Variants in PCNX2 observed in about 807,000 individuals in gnomAD.
PCNX2 encodes pecanex 2.
A neutral mutation model predicts 223.8 loss-of-function variants in PCNX2; 168 were observed. The ratio of observed to expected loss-of-function variants is 0.75; its 90% CI spans 0.66 to 0.85. The LOEUF (loss-of-function observed/expected upper bound fraction) is 0.85. Among genes scored for constraint, PCNX2 ranks in the 40% least tolerant of loss-of-function variants. The probability of loss-of-function intolerance (pLI) is 0.00; values close to 1 mark genes in which losing one functional copy is unlikely to be tolerated. For synonymous variants in PCNX2, 1,006 were observed against 1,052.6 expected, an observed-to-expected ratio of 0.96 and a Z score of 0.86; for missense variants, 2,507 against 2,675.5, an observed-to-expected ratio of 0.94 and a Z score of 1.39.
chr1:233,158,436 A>C (rs538850724), intron 19 of PCNX2, among the ~76,000 whole-genome samples: 14 of 152,338 alleles, frequency 9.2e-5, no homozygotes, highest in African/African-American at 3.1e-4. Flanking sequence ...AGGTATAGTC[A>C]TTGGTACAGG....
Position 233,160,307 on chromosome 1 carries a change from CTT to C in PCNX2, c.3491_3492del (p.Lys1164ArgfsTer27), listed in dbSNP as rs778614935. 2 of 1,609,812 alleles carry C rather than the reference CTT, an allele frequency of 1.2e-6. No homozygotes were observed. Among genetic ancestry groups the C allele is most frequent in the East Asian group, 2.2e-5 (1 of 44,742 alleles). ...CCTCTCACTTCCCGTTGATGATACT[CTT>C]TGTTTTTGAGAATGGGGTGTGAAAT... ...MWISHPILKN[K>X]EYHQREVRDV... On this transcript the variant is annotated frameshift_variant, in exon 19 of 34. Coordinates refer to ENST00000258229, the MANE Select transcript of PCNX2 (RefSeq NM_014801.4). LOFTEE classifies it high-confidence loss of function.
At chr1:233,322,558 G>A in the PCNX2 span, among the ~76,000 whole-genome samples, 1 of 152,068 alleles carries the variant, frequency 6.6e-6, no homozygotes, top group Admixed American at 6.6e-5. Context: ...GAGGGTTACA[G>A]ACACTTGGCA....
chr1:233,143,676 C>T (rs1362200908), intron 19 of PCNX2, among the ~76,000 whole-genome samples: 2 of 152,302 alleles, frequency 1.3e-5, no homozygotes, highest in Admixed American at 1.3e-4. Context: ...GACTAAAGGA[C>T]TGAAGGACTA....
intron 23 of PCNX2, among the ~76,000 whole-genome samples, chr1:233,066,967 C>T (rs1442727812): frequency 6.6e-6 from 1 of 152,028 alleles, no homozygotes; most frequent in African/African-American, 2.4e-5. Context: ...ACTCCCACCC[C>T]CTATCAAGCA....
In PCNX2 at chr1:233,257,081, G is replaced by T. The variant is rs558446697; in HGVS notation, c.1834+947C>A. Among the ~76,000 whole-genome samples the T allele has an allele frequency of 6.0e-4, 92 of 152,264 alleles. 2 individuals carry two copies. In the Middle Eastern group the frequency reaches 0.031, roughly 51 times the overall value. ...TTTAAAGCTAAAAGACCTTATAAAA[G>T]CTCTAGTCCAGTAACATCATTTTAT... On this transcript the variant is annotated intron_variant, in intron 5 of 33. Transcript: ENST00000258229.
At chr1:233,251,055 T>C (rs184781246) in intron 7 of PCNX2, among the ~76,000 whole-genome samples, 12 of 152,026 alleles carry the variant, frequency 7.9e-5, no homozygotes, top group African/African-American at 2.4e-4. Flanking sequence ...TCGACCTGCT[T>C]CCCTGCTAAT....
chr1:233,325,354 C>T, the PCNX2 span, among the ~76,000 whole-genome samples: 1 of 152,004 alleles, frequency 6.6e-6, no homozygotes, highest in Admixed American at 6.6e-5. Context: ...AGCAAGCGAA[C>T]TGGAATTAGA....
At chr1:233,316,665 T>A in the PCNX2 span, among the ~76,000 whole-genome samples, 6 of 152,194 alleles carry the variant, frequency 3.9e-5, no homozygotes, top group Admixed American at 2.6e-4. Flanking sequence ...ATTTGTTCAC[T>A]TAAACTTTCT....
At chr1:233,109,696 C>T (rs1248691772) in intron 21 of PCNX2, among the ~76,000 whole-genome samples, 1 of 152,098 alleles carries the variant, frequency 6.6e-6, no homozygotes, top group African/African-American at 2.4e-5. Context: ...CAGAGCAATA[C>T]CAAATTGTCT....
the PCNX2 span, among the ~76,000 whole-genome samples, chr1:233,318,431 T>C: frequency 5.3e-5 from 8 of 152,192 alleles, no homozygotes; most frequent in African/African-American, 1.9e-4. Flanking sequence ...CAAGAAAATA[T>C]CCTTTTCTCT....
intron 23 of PCNX2, among the ~76,000 whole-genome samples, chr1:233,089,456 C>A (rs939053756): frequency 6.6e-6 from 1 of 152,172 alleles, no homozygotes; most frequent in Non-Finnish European, 1.5e-5. Context: ...TTTGGTGAAC[C>A]ATTACTTCTC....
intron 4 of PCNX2, among the ~76,000 whole-genome samples, chr1:233,259,631 C>A (rs61369477): frequency 6.6e-6 from 1 of 152,020 alleles, no homozygotes; most frequent in Non-Finnish European, 1.5e-5. Flanking sequence ...CCTTGCCCCC[C>A]ACCTCTGACA....
At chr1:233,015,465 G>T (rs1339987767) in intron 27 of PCNX2, among the ~76,000 whole-genome samples, 1 of 152,226 alleles carries the variant, frequency 6.6e-6, no homozygotes, top group East Asian at 1.9e-4. Context: ...TTGGGAGGCC[G>T]AGGCGGACAG....
Position 232,984,165 on chromosome 1 carries a change from G to GAAA in PCNX2, c.*138_*139insTTT. 2.9e-6 allele frequency: 1 copy of GAAA among 339,348 alleles called. No individual in the cohort carries two copies. The highest frequency in any genetic ancestry group is 4.8e-6 in the Non-Finnish European group (1 of 208,490). The allele number at this position is 339,348 out of a possible 1,614,324, so 21.0% of individuals were successfully genotyped here. A position where few individuals can be genotyped will look rare whatever the true frequency, so the allele number is the denominator to read the frequency against. On this transcript the variant is annotated 3_prime_UTR_variant, in exon 34 of 34. Coordinates refer to ENST00000258229, the MANE Select transcript of PCNX2 (RefSeq NM_014801.4). Reference sequence around the variant, plus strand: ...AACCTGAGATCAGTTCTGTGTTCTGGAACAGCTCTCCTTTTCCACAGGAGG... The same window carrying GAAA: ...AACCTGAGATCAGTTCTGTGTTCTGGAAAAACAGCTCTCCTTTTCCACAGGAGG...
At chr1:233,053,706 T>C (rs16858553) in intron 25 of PCNX2, among the ~76,000 whole-genome samples, 28,634 of 152,098 alleles carry the variant, frequency 0.19, 3,106 homozygotes, top group East Asian at 0.33. Context: ...GCTCCTCATT[T>C]GCGGGAAAAC....
In PCNX2 at chr1:233,042,296, C is replaced by T. The variant is rs1215002349; in HGVS notation, c.4351+11972G>A. ...TTTCAACCTGCCAGCCTCATCCCAG[C>T]CCTTTGGATTCCCTCACTTGCCACT... On this transcript the variant is annotated intron_variant, in intron 25 of 33. Transcript: ENST00000258229. Among the ~76,000 whole-genome samples, 5 of 152,176 alleles carry T rather than the reference C, an allele frequency of 3.3e-5. No homozygotes were observed. The East Asian group carries it at 7.7e-4, about 23-fold the overall frequency.
chr1:233,211,675 C>T (rs375055672), intron 12 of PCNX2: 5 of 638,816 alleles, frequency 7.8e-6, no homozygotes, highest in African/African-American at 4.0e-5. Flanking sequence ...AGGACTGGAG[C>T]CCCATTTGCC....
At chr1:233,233,352 G>A (rs1558373205) in intron 9 of PCNX2, among the ~76,000 whole-genome samples, 1 of 151,710 alleles carries the variant, frequency 6.6e-6, no homozygotes, top group Non-Finnish European at 1.5e-5. Context: ...CATGCCCCAA[G>A]CTCTGCCCTT....
Position 232,986,416 on chromosome 1 carries a change from T to C in PCNX2, c.5916A>G (p.Ser1972=), listed in dbSNP as rs1230127975. 1 of 1,606,524 alleles carries C rather than the reference T, an allele frequency of 6.2e-7. No homozygotes were observed. The highest frequency in any genetic ancestry group is 8.5e-7 in the Non-Finnish European group (1 of 1,176,670). ...AGAGCCTCTGGGCCAGCTCGTGCACTGAGGTGGACGTCTGGAGGAATGTTT... is the reference window on the plus strand; with the variant it reads ...AGAGCCTCTGGGCCAGCTCGTGCACCGAGGTGGACGTCTGGAGGAATGTTT... ...SRQTFLQTST[S]VHELAQRLSG... Residue 1972 remains serine, a synonymous_variant, in exon 33 of 34, where the codon TCA becomes TCG. Coordinates refer to ENST00000258229, the MANE Select transcript of PCNX2 (RefSeq NM_014801.4).
Sources: allele counts gnomAD v4.1 joint callset (sites outside exome capture counted in the v4.1 genomes callset), GRCh38; gene constraint gnomAD v4.1.1; transcripts MANE v1.5; gene names NCBI Gene and HGNC (gene_info 2026-07-23, HGNC 2026-07-21).